STXBP5L: variants seen among roughly 807,000 people sequenced by gnomAD.
STXBP5L encodes the protein syntaxin binding protein 5L, also known as syntaxin-binding protein 5-like.
In STXBP5L, 65 loss-of-function variants were observed where a neutral mutation model predicts 144.5. The observed-to-expected ratio is 0.45, with a 90% CI of 0.37 to 0.55. The LOEUF (loss-of-function observed/expected upper bound fraction) is 0.55, where lower values mean the gene tolerates loss of function less well. Ranked by LOEUF, STXBP5L falls within the 20% of genes least tolerant of loss-of-function variation. The pLI, the probability that STXBP5L is intolerant of heterozygous loss-of-function variation, is 0.00. For synonymous variants in STXBP5L, 505 were observed against 469.6 expected, an observed-to-expected ratio of 1.08 and a Z score of -0.97; for missense variants, 1,298 against 1,405.5, an observed-to-expected ratio of 0.92 and a Z score of 1.22.
At chr3:120,993,738 C>T (rs2107987529) in intron 3 of STXBP5L, among the ~76,000 whole-genome samples, 1 of 152,174 alleles carries the variant, frequency 6.6e-6, no homozygotes, top group Middle Eastern at 3.4e-3. Flanking sequence ...TAGTGTGATG[C>T]TTCCAGCTTT....
chr3:121,216,196 T>C (rs1179313794), intron 10 of STXBP5L, among the ~76,000 whole-genome samples: 1 of 152,218 alleles, frequency 6.6e-6, no homozygotes, highest in East Asian at 1.9e-4. Flanking sequence ...CATCTTTCAA[T>C]TCATCAAACT....
chr3:121,193,821 C>T (rs1256710989), intron 9 of STXBP5L, among the ~76,000 whole-genome samples: 1 of 151,892 alleles, frequency 6.6e-6, no homozygotes, highest in Non-Finnish European at 1.5e-5. Flanking sequence ...GGGGGCCTGT[C>T]ATGGGGTAGG....
intron 3 of STXBP5L, among the ~76,000 whole-genome samples, chr3:120,997,381 G>A (rs1048207043): frequency 2.0e-5 from 3 of 152,174 alleles, no homozygotes; most frequent in African/African-American, 7.2e-5. Context: ...ATTTCCACAG[G>A]AGTGGAACTA....
intron 5 of STXBP5L, among the ~76,000 whole-genome samples, chr3:121,110,784 G>A (rs1245898287): frequency 1.3e-5 from 2 of 152,118 alleles, no homozygotes; most frequent in Non-Finnish European, 2.9e-5. Context: ...CTCTTGCTAG[G>A]TTAGGGAAGT....
intron 6 of STXBP5L, among the ~76,000 whole-genome samples, chr3:121,119,322 T>C (rs1316087794): frequency 6.6e-6 from 1 of 151,412 alleles, no homozygotes; most frequent in Non-Finnish European, 1.5e-5. Flanking sequence ...ATTCAGCCTA[T>C]TTAACTCATT....
chr3:121,354,161 AT>A (rs2045412708), intron 20 of STXBP5L, among the ~76,000 whole-genome samples: 2 of 152,226 alleles, frequency 1.3e-5, no homozygotes, highest in Admixed American at 1.3e-4. Flanking sequence ...TATTCTGTTG[AT>A]TTGGGGTGGA....
In STXBP5L at chr3:121,233,654, A is replaced by G; in HGVS notation, c.1150A>G (p.Lys384Glu). 6.2e-7 allele frequency: 1 copy of G among 1,612,724 alleles called. No individual in the cohort carries two copies. The change falls in exon 12 of 27, where the codon AAA (lysine) becomes GAA (glutamate). Residue 384 changes from lysine (K) to glutamate (E), a missense_variant. By Grantham distance (56) the Lys-to-Glu change is moderately conservative (BLOSUM62 1). Coordinates refer to ENST00000471454, the MANE Select transcript of STXBP5L (RefSeq NM_001308330.2). ...EPYAVVVLLE[K>E]DLIVVDLTQS... ...CTATGCTGTCGTGGTACTTCTGGAG[A>G]AAGATCTCATTGTAGTTGATCTGAC...
intron 20 of STXBP5L, among the ~76,000 whole-genome samples, chr3:121,338,145 A>G (rs1304360634): frequency 1.3e-5 from 2 of 152,164 alleles, no homozygotes; most frequent in African/African-American, 4.8e-5. Context: ...ACCTCAAGGA[A>G]CCAGAGAAGC....
chr3:121,140,861 A>G (rs1012776471), intron 7 of STXBP5L, among the ~76,000 whole-genome samples: 5 of 152,196 alleles, frequency 3.3e-5, no homozygotes, highest in Admixed American at 2.6e-4. Flanking sequence ...GATATATTGC[A>G]CTGTTGAAAA....
intron 22 of STXBP5L, among the ~76,000 whole-genome samples, chr3:121,403,830 G>C (rs2046937928): frequency 2.0e-5 from 3 of 152,098 alleles, no homozygotes; most frequent in Admixed American, 6.6e-5. Context: ...AAATTCTAGA[G>C]TGCTATTTTC....
intron 19 of STXBP5L, among the ~76,000 whole-genome samples, chr3:121,313,241 A>G (rs1484460870): frequency 4.6e-3 from 452 of 97,834 alleles, no homozygotes; most frequent in Middle Eastern, 0.035. Context: ...TCCCTCCCGG[A>G]CGGGGCGGCT....
intron 3 of STXBP5L, among the ~76,000 whole-genome samples, chr3:120,981,370 C>G (rs1156328481): frequency 2.6e-5 from 4 of 152,096 alleles, no homozygotes; most frequent in Non-Finnish European, 5.9e-5. Flanking sequence ...CCATGTTTCT[C>G]AAAGGCTCTG....
intron 2 of STXBP5L, chr3:120,925,086 G>T (rs1709548203): frequency 6.6e-6 from 1 of 152,156 alleles, no homozygotes; most frequent in South Asian, 2.1e-4. Flanking sequence ...GAAATAAGAG[G>T]GTATATGCAT....
At chr3:121,079,432 A>G (rs1184113010) in intron 5 of STXBP5L, among the ~76,000 whole-genome samples, 1 of 152,248 alleles carries the variant, frequency 6.6e-6, no homozygotes, top group Non-Finnish European at 1.5e-5. Context: ...GATAAGGTTC[A>G]CTGTCCACAG....
At chr3:121,259,415 A>T (rs952048015) in intron 18 of STXBP5L, among the ~76,000 whole-genome samples, 2 of 151,880 alleles carry the variant, frequency 1.3e-5, no homozygotes, top group African/African-American at 4.8e-5. Context: ...TTACACTTAA[A>T]CTGTGTTGTT....
rs894822773 is a variant in STXBP5L at position 121,344,990 on chromosome 3, T to C, written c.2176+26450T>C. On this transcript the variant is annotated intron_variant, in intron 20 of 26. Coordinates refer to ENST00000471454, the MANE Select transcript of STXBP5L (RefSeq NM_001308330.2). Reference sequence around the variant, plus strand: ...ATATATATACACATTTTTGTATATATAAAAAAAGTAAGTACAGAAAGCATA... The same window carrying C: ...ATATATATACACATTTTTGTATATACAAAAAAAGTAAGTACAGAAAGCATA... Among the ~76,000 whole-genome samples the C allele has an allele frequency of 5.3e-5, 8 of 150,986 alleles. 1 individual carries two copies. Among genetic ancestry groups the C allele is most frequent in the African/African-American group, 1.7e-4 (7 of 41,242 alleles).
rs116676720 is a variant in STXBP5L at position 121,261,996 on chromosome 3, T to C, written c.1958+2828T>C. Among the ~76,000 whole-genome samples the C allele has an allele frequency of 4.1e-3, 631 of 152,308 alleles. 1 individual carries two copies. Among genetic ancestry groups the C allele is most frequent in the African/African-American group, 0.014 (583 of 41,566 alleles). ...TCTGTCTCTCTGCTTTGCTCTCTGC[T>C]TCAAATATAGCACCTTCTAGCTTTG... On this transcript the variant is annotated intron_variant, in intron 18 of 26. Transcript: ENST00000471454.
At chr3:121,119,044 A>C (rs1419534205) in intron 6 of STXBP5L, among the ~76,000 whole-genome samples, 1 of 151,508 alleles carries the variant, frequency 6.6e-6, no homozygotes, top group African/African-American at 2.4e-5. Context: ...TTGTGCATAA[A>C]GAGTATGTAG....
intron 14 of STXBP5L, among the ~76,000 whole-genome samples, chr3:121,246,997 T>C (rs2049874817): frequency 6.6e-6 from 1 of 152,194 alleles, no homozygotes; most frequent in African/African-American, 2.4e-5. Context: ...AACTGGATGA[T>C]GGTGTCAATG....
Sources: gnomAD v4.1 joint callset for allele counts (sites outside exome capture counted in the v4.1 genomes callset) on GRCh38, gnomAD v4.1.1 for gene constraint, MANE v1.5 for transcripts, NCBI Gene and HGNC (gene_info 2026-07-23, HGNC 2026-07-21) for gene names.